The following WDR49 variants were observed in gnomAD, a reference collection of about 807,000 sequenced individuals.
The protein encoded by WDR49 is cilia- and flagella-associated protein 337.
WDR49 carries 107 observed loss-of-function variants against 119.5 expected under a neutral mutation model. That is an observed-to-expected ratio of 0.90 (90% CI 0.77 to 1.05). The LOEUF is 1.05. Among genes scored for constraint, WDR49 ranks in the 50% least tolerant of loss-of-function variants. The probability of loss-of-function intolerance (pLI) is 0.00; values close to 1 mark genes in which losing one functional copy is unlikely to be tolerated. For missense variants in WDR49, 1,240 were observed against 1,220.5 expected (o/e 1.02, Z -0.24); for synonymous variants, 425 against 418.8 (o/e 1.01, Z -0.18).
upstream of WDR49, among the ~76,000 whole-genome samples, chr3:167,656,637 A>G (rs1718612352): frequency 6.6e-6 from 1 of 152,236 alleles, no homozygotes; most frequent in Non-Finnish European, 1.5e-5. Context: ...AAGTTAATCA[A>G]TTGACACAGT....
At chr3:167,645,275 A>C (rs1165360470) in intron 2 of WDR49, among the ~76,000 whole-genome samples, 3 of 151,940 alleles carry the variant, frequency 2.0e-5, no homozygotes, top group Non-Finnish European at 4.4e-5. Context: ...CAGTGGTGCA[A>C]TCTCAGCTCA....
At chr3:167,646,606 G>A (rs1438380730) in intron 2 of WDR49, among the ~76,000 whole-genome samples, 1 of 152,184 alleles carries the variant, frequency 6.6e-6, no homozygotes, top group East Asian at 1.9e-4. Context: ...GCTGGTGCTT[G>A]TGAGGAACTG....
At chr3:167,506,281 C>G (rs1369037127) in intron 16 of WDR49, among the ~76,000 whole-genome samples, 1 of 152,102 alleles carries the variant, frequency 6.6e-6, no homozygotes, top group Non-Finnish European at 1.5e-5. Context: ...CCCATACTTT[C>G]AGCCTCAATT....
rs2108322434 is a variant in WDR49 at position 167,621,626 on chromosome 3, T to C, written c.624A>G (p.Thr208=). The change falls in exon 4 of 19, where the codon ACA becomes ACG. Residue 208 remains threonine, a synonymous_variant. Coordinates refer to ENST00000682715, the MANE Select transcript of WDR49 (RefSeq NM_001366157.1). ...ENVNKIAVAF[T]SKEVCFYDLL... ...GATCATAGAAACAAACCTCTTTACT[T>C]GTAAAAGCCACTGCTATCTAAAGTA... 1 of 1,532,610 alleles carries C rather than the reference T, an allele frequency of 6.5e-7. No homozygotes were observed. The highest frequency in any genetic ancestry group is 1.4e-5 in the African/African-American group (1 of 72,970). The allele number at this position is 1,532,610 out of a possible 1,614,324, so 94.9% of individuals were successfully genotyped here. A position where few individuals can be genotyped will look rare whatever the true frequency, so the allele number is the denominator to read the frequency against.
At chr3:167,564,298 T>G (rs2108273682) in intron 8 of WDR49, among the ~76,000 whole-genome samples, 1 of 152,290 alleles carries the variant, frequency 6.6e-6, no homozygotes, top group East Asian at 1.9e-4. Context: ...GTCTCAAACA[T>G]CCAACCAGTA....
intron 18 of WDR49, among the ~76,000 whole-genome samples, chr3:167,489,390 A>G (rs544249004): frequency 7.9e-5 from 12 of 152,224 alleles, no homozygotes; most frequent in Admixed American, 3.3e-4. Context: ...ACATATATAC[A>G]TATACATCCA....
intron 7 of WDR49, among the ~76,000 whole-genome samples, chr3:167,597,656 T>A (rs1480598111): frequency 6.6e-6 from 1 of 152,142 alleles, no homozygotes; most frequent in Admixed American, 6.6e-5. Flanking sequence ...ATCTCCCTAC[T>A]CAAGGCCAGG....
At chr3:167,527,743 G>T in intron 15 of WDR49, 77 bp downstream of exon 15, 1 of 1,386,868 alleles carries the variant, frequency 7.2e-7, no homozygotes. Context: ...CAGCTGATGA[G>T]ATTCAAATAG....
intron 2 of WDR49, among the ~76,000 whole-genome samples, chr3:167,636,762 CAT>C (rs1717639461): frequency 6.6e-6 from 1 of 151,800 alleles, no homozygotes; most frequent in African/African-American, 2.4e-5. Context: ...AGCATTTTTT[CAT>C]ATGATTGTTA....
chr3:167,585,677 G>C (rs1714773875), intron 7 of WDR49, among the ~76,000 whole-genome samples: 1 of 151,670 alleles, frequency 6.6e-6, no homozygotes, highest in South Asian at 2.1e-4. Context: ...ATACTACCCT[G>C]TATTTGTTCA....
intron 7 of WDR49, among the ~76,000 whole-genome samples, chr3:167,600,666 TGA>T (rs1715726762): frequency 6.6e-6 from 1 of 152,086 alleles, no homozygotes; most frequent in African/African-American, 2.4e-5. Flanking sequence ...CCTGCTGTAA[TGA>T]GAGACACACA....
rs1560317332 is a variant in WDR49 at position 167,620,508 on chromosome 3, C to CCAGT, written c.875_878dup (p.Trp293Ter). On this transcript the variant is annotated stop_gained and frameshift_variant, in exon 5 of 19. Transcript: ENST00000682715. LOFTEE classifies it high-confidence loss of function. ...TGTGACATCCAGAGAGCAGCTCTGC[C>CCAGT]CAGTTAATGGTCATAGTGGCTTCTC... is the stretch of plus-strand genomic sequence containing the variant. 6.5e-7 allele frequency: 1 copy of CCAGT among 1,536,054 alleles called. No homozygotes were observed. Among genetic ancestry groups the CCAGT allele is most frequent in the East Asian group, 2.4e-5 (1 of 40,892 alleles).
chr3:167,618,641 C>T (rs1415703685), intron 5 of WDR49, among the ~76,000 whole-genome samples: 1 of 152,128 alleles, frequency 6.6e-6, no homozygotes, highest in Non-Finnish European at 1.5e-5. Context: ...CTTATATATA[C>T]ATAAAACTTC....
chr3:167,512,982 G>T (rs138965091), intron 16 of WDR49, among the ~76,000 whole-genome samples: 79 of 152,286 alleles, frequency 5.2e-4, no homozygotes, highest in African/African-American at 1.8e-3. Flanking sequence ...ACTGATTGGG[G>T]TACCTGCAAG....
intron 7 of WDR49, among the ~76,000 whole-genome samples, chr3:167,594,668 C>A (rs914183474): frequency 6.6e-6 from 1 of 152,118 alleles, no homozygotes; most frequent in Non-Finnish European, 1.5e-5. Flanking sequence ...AATTCAACAA[C>A]CCTTCATGCT....
intron 10 of WDR49, among the ~76,000 whole-genome samples, chr3:167,553,262 G>A (rs1215198631): frequency 6.6e-6 from 1 of 152,020 alleles, no homozygotes; most frequent in Non-Finnish European, 1.5e-5. Context: ...GAGGATAACG[G>A]AAAACATGAA....
intron 17 of WDR49, among the ~76,000 whole-genome samples, chr3:167,502,769 A>G (rs1000755727): frequency 3.9e-5 from 6 of 152,220 alleles, no homozygotes; most frequent in African/African-American, 1.2e-4. Flanking sequence ...GGCTGCTTCT[A>G]ATAGCCTAGC....
intron 2 of WDR49, among the ~76,000 whole-genome samples, chr3:167,648,889 T>C (rs1479141572): frequency 1.3e-5 from 2 of 152,230 alleles, no homozygotes; most frequent in Non-Finnish European, 2.9e-5. Context: ...ACCTCTGTCA[T>C]GTTGCAGATA....
chr3:167,568,097 C>A (rs924961468), intron 8 of WDR49, among the ~76,000 whole-genome samples: 1 of 152,124 alleles, frequency 6.6e-6, no homozygotes, highest in African/African-American at 2.4e-5. Flanking sequence ...TAATAAACAT[C>A]CTTTGTGGCG....
Sources: allele counts gnomAD v4.1 joint callset (sites outside exome capture counted in the v4.1 genomes callset), GRCh38; gene constraint gnomAD v4.1.1; transcripts MANE v1.5; gene names NCBI Gene and HGNC (gene_info 2026-07-23, HGNC 2026-07-21).